The following ASPRV1 variants were observed in gnomAD, a reference collection of about 807,000 sequenced individuals.
ASPRV1 encodes aspartic peptidase retroviral like 1.
In ASPRV1, 7 loss-of-function variants were observed where a neutral mutation model predicts 11.0. That is an observed-to-expected ratio of 0.64 (90% CI 0.36 to 1.20). The LOEUF (loss-of-function observed/expected upper bound fraction) is 1.20, where lower values mean the gene tolerates loss of function less well. ASPRV1 is among the 50% of genes most tolerant of loss of function. The probability of loss-of-function intolerance (pLI) is 0.02; values close to 1 mark genes in which losing one functional copy is unlikely to be tolerated. For synonymous variants in ASPRV1, 136 were observed against 138.4 expected (o/e 0.98, Z 0.12); for missense variants, 299 against 320.0 (o/e 0.93, Z 0.50).
chr2:70,002,807 A>T, the ASPRV1 span, among the ~76,000 whole-genome samples: 2 of 152,162 alleles, frequency 1.3e-5, no homozygotes, highest in East Asian at 3.8e-4. Flanking sequence ...TGGGGGGCTG[A>T]TCAGAATAGC....
chr2:70,084,165 T>C, the ASPRV1 span, among the ~76,000 whole-genome samples: 2 of 152,046 alleles, frequency 1.3e-5, no homozygotes, highest in African/African-American at 4.8e-5. Flanking sequence ...AACAGGAAAT[T>C]ATGGAAATAT....
At chr2:69,964,713 C>T (rs975075758), upstream of ASPRV1, 1 of 163,194 alleles carries the variant, frequency 6.1e-6, no homozygotes, top group Non-Finnish European at 1.3e-5. Context: ...CGCACTGAAC[C>T]CTGCAGGAGC....
the ASPRV1 span, among the ~76,000 whole-genome samples, chr2:70,072,111 C>T: frequency 6.6e-6 from 1 of 151,992 alleles, no homozygotes; most frequent in Admixed American, 6.6e-5. Context: ...ACCACCATGC[C>T]CAGCTAACTT....
chr2:69,991,421 T>C, the ASPRV1 span, among the ~76,000 whole-genome samples: 2 of 152,148 alleles, frequency 1.3e-5, no homozygotes, highest in Non-Finnish European at 2.9e-5. Context: ...TTTTCCCTTG[T>C]AAAATGTCTT....
the ASPRV1 span, among the ~76,000 whole-genome samples, chr2:69,944,106 C>T: frequency 0.066 from 10,059 of 152,128 alleles, 870 homozygotes; most frequent in Admixed American, 0.21. Flanking sequence ...GTGGACAAGC[C>T]CCAAATGGAA....
At chr2:70,038,014 C>A in the ASPRV1 span, among the ~76,000 whole-genome samples, 1 of 152,136 alleles carries the variant, frequency 6.6e-6, no homozygotes, top group African/African-American at 2.4e-5. Flanking sequence ...GACAAGAATT[C>A]TTCTGCCCAG....
the ASPRV1 span, among the ~76,000 whole-genome samples, chr2:70,042,276 G>C: frequency 6.6e-6 from 1 of 152,178 alleles, no homozygotes; most frequent in Non-Finnish European, 1.5e-5. Flanking sequence ...GAAGGCAGCA[G>C]GACAGACTAG....
the ASPRV1 span, among the ~76,000 whole-genome samples, chr2:70,011,199 T>G: frequency 3.3e-5 from 5 of 151,834 alleles, no homozygotes; most frequent in African/African-American, 1.2e-4. Context: ...AAATAATCTG[T>G]ACAACAAACC....
the ASPRV1 span, chr2:70,046,902 T>C: frequency 6.6e-6 from 1 of 152,180 alleles, no homozygotes; most frequent in Admixed American, 6.6e-5. Flanking sequence ...TTTCTTTATA[T>C]TTTGCTAGGT....
chr2:69,969,923 G>T, the ASPRV1 span, among the ~76,000 whole-genome samples: 570 of 151,508 alleles, frequency 3.8e-3, 5 homozygotes, highest in Middle Eastern at 0.014. Flanking sequence ...GTAAAGACAG[G>T]GTCTCCCTAC....
chr2:70,069,786 T>C, the ASPRV1 span, among the ~76,000 whole-genome samples: 2 of 152,190 alleles, frequency 1.3e-5, no homozygotes, highest in African/African-American at 2.4e-5. Context: ...GGTTATTTGC[T>C]TGAGGTTCAT....
chr2:69,948,083 C>CA, the ASPRV1 span, among the ~76,000 whole-genome samples: 11,233 of 137,874 alleles, frequency 0.081, 1,196 homozygotes, highest in African/African-American at 0.25. Flanking sequence ...CCCCGTCTCT[C>CA]AAAAAAAAAA....
the ASPRV1 span, among the ~76,000 whole-genome samples, chr2:70,083,256 A>C: frequency 6.6e-6 from 1 of 152,260 alleles, no homozygotes; most frequent in Non-Finnish European, 1.5e-5. Flanking sequence ...CAAGAGGTTC[A>C]GCTCAAATTC....
At chr2:70,074,333 G>A in the ASPRV1 span, among the ~76,000 whole-genome samples, 31 of 149,928 alleles carry the variant, frequency 2.1e-4, no homozygotes, top group African/African-American at 7.1e-4. Flanking sequence ...CTGTCGCCCA[G>A]GCTGGAGTGC....
At chr2:69,950,998 G>A in the ASPRV1 span, among the ~76,000 whole-genome samples, 2 of 151,852 alleles carry the variant, frequency 1.3e-5, no homozygotes, top group Non-Finnish European at 2.9e-5. Context: ...AGGCAAGAAC[G>A]AGAGAGTGAA....
chr2:69,977,942 A>G, the ASPRV1 span, among the ~76,000 whole-genome samples: 1 of 152,198 alleles, frequency 6.6e-6, no homozygotes, highest in Non-Finnish European at 1.5e-5. Context: ...CATGAGCCCC[A>G]GAAGTGGGTC....
chr2:69,989,163 G>A, the ASPRV1 span, among the ~76,000 whole-genome samples: 1 of 152,198 alleles, frequency 6.6e-6, no homozygotes, highest in African/African-American at 2.4e-5. Flanking sequence ...TGGAGGGTCA[G>A]TTTTCAGATT....
At chr2:70,082,157 G>C in the ASPRV1 span, among the ~76,000 whole-genome samples, 1 of 149,172 alleles carries the variant, frequency 6.7e-6, no homozygotes, top group Non-Finnish European at 1.5e-5. Context: ...GTGTGTGTGT[G>C]TATTTTTAGT....
chr2:70,073,254 C>T, the ASPRV1 span: 2 of 152,120 alleles, frequency 1.3e-5, no homozygotes, highest in African/African-American at 4.8e-5. Flanking sequence ...CATAAAATTA[C>T]TTCAAAGGCT....
Sources: gnomAD v4.1 joint callset for allele counts (sites outside exome capture counted in the v4.1 genomes callset) on GRCh38, gnomAD v4.1.1 for gene constraint, MANE v1.5 for transcripts, NCBI Gene and HGNC (gene_info 2026-07-23, HGNC 2026-07-21) for gene names.